Variants in BAG3 observed in about 807,000 individuals in gnomAD.
BAG3 encodes the protein BAG family molecular chaperone regulator 3.
Under a neutral mutation model 40.5 loss-of-function variants are expected in BAG3, and 14 were observed. The observed-to-expected ratio is 0.35, with a 90% CI of 0.23 to 0.54. The LOEUF (loss-of-function observed/expected upper bound fraction) is 0.54, where lower values mean the gene tolerates loss of function less well. BAG3 is among the 20% of genes least tolerant of loss of function. BAG3 has a pLI of 0.91. For missense variants in BAG3, 788 were observed against 758.6 expected, an observed-to-expected ratio of 1.04 and a Z score of -0.46; for synonymous variants, 302 against 307.8, an observed-to-expected ratio of 0.98 and a Z score of 0.20.
intron 1 of BAG3, among the ~76,000 whole-genome samples, chr10:119,656,934 TAAAC>T (rs1406108379): frequency 2.6e-5 from 4 of 152,174 alleles, no homozygotes; most frequent in Admixed American, 2.6e-4. Context: ...TGGCCTGTGA[TAAAC>T]AGAAAGACTT....
At chr10:119,668,728 G>T (rs1235308180) in intron 1 of BAG3, among the ~76,000 whole-genome samples, 1 of 152,262 alleles carries the variant, frequency 6.6e-6, no homozygotes, top group Non-Finnish European at 1.5e-5. Flanking sequence ...GAGGACATAA[G>T]AGAAGGACCC....
intron 1 of BAG3, among the ~76,000 whole-genome samples, chr10:119,662,223 T>TTG (rs1217670184): frequency 2.6e-4 from 31 of 119,252 alleles, no homozygotes; most frequent in African/African-American, 9.1e-4. Context: ...ATGTTTTTTT[T>TTG]TTGTTTTTTT....
chr10:119,670,210 G>A, intron 2 of BAG3, 33 bp downstream of exon 2: 1 of 1,573,998 alleles, frequency 6.4e-7, no homozygotes. Flanking sequence ...AGCCTGCTGG[G>A]GAGCAAGCCG....
In BAG3 at chr10:119,669,894, G is replaced by A; in HGVS notation, c.224G>A (p.Arg75Lys). The A allele has an allele frequency of 6.2e-7, 1 of 1,614,190 alleles. No homozygotes were observed. The highest frequency in any genetic ancestry group is 8.5e-7 in the Non-Finnish European group (1 of 1,180,042). The change falls in exon 2 of 4, where the codon AGG becomes AAG. Residue 75 changes from arginine to lysine, a missense_variant. Arg to Lys is a conservative substitution (Grantham distance 26, BLOSUM62 2). Transcript: ENST00000369085. ...AATGGCCCTTCCCGGGAGGGCTCTA[G>A]GCTGCCGCCTGCTAGGGAAGGCCAC... ...SANGPSREGS[R>K]LPPAREGHPV...
chr10:119,659,591 G>T (rs528705286), intron 1 of BAG3, among the ~76,000 whole-genome samples: 25 of 152,334 alleles, frequency 1.6e-4, no homozygotes, highest in Admixed American at 1.2e-3. Context: ...GGACTCAGGG[G>T]TCTCACCGTC....
chr10:119,661,505 A>G (rs1237960192), intron 1 of BAG3, among the ~76,000 whole-genome samples: 1 of 152,196 alleles, frequency 6.6e-6, no homozygotes, highest in Non-Finnish European at 1.5e-5. Flanking sequence ...ACCCGGGCTC[A>G]TGCTGGTTCA....
At chr10:119,663,876 C>G (rs1847024773) in intron 1 of BAG3, among the ~76,000 whole-genome samples, 1 of 152,144 alleles carries the variant, frequency 6.6e-6, no homozygotes, top group South Asian at 2.1e-4. Flanking sequence ...GGAATCAGAC[C>G]TACTTGGGTT....
chr10:119,656,093 C>T (rs1194573092), intron 1 of BAG3, among the ~76,000 whole-genome samples: 1 of 152,192 alleles, frequency 6.6e-6, no homozygotes, highest in Non-Finnish European at 1.5e-5. Flanking sequence ...TGATGTTTAT[C>T]ATCCAAAGTA....
At position 119,672,928 on chromosome 10, in the gene BAG3, C is replaced by A. The variant is rs2072361; in HGVS notation, c.909+272C>A. Among the ~76,000 whole-genome samples, 23,555 of 152,090 alleles carry A rather than the reference C, an allele frequency of 0.15. 2,399 individuals are homozygous for A. The highest frequency in any genetic ancestry group is 0.28 in the African/African-American group (11,472 of 41,430). On this transcript the variant is annotated intron_variant, in intron 3 of 3. Transcript: ENST00000369085. The surrounding 1 kb of genome is among the most constrained non-coding windows in gnomAD (Gnocchi z 4.8). ...AGACGAAACAGCTTGGCAGAACTTACATACCTGGGACCAGCTTCCTTAGTG... is the reference window on the plus strand; with the variant it reads ...AGACGAAACAGCTTGGCAGAACTTAAATACCTGGGACCAGCTTCCTTAGTG...
intron 1 of BAG3, among the ~76,000 whole-genome samples, chr10:119,665,371 A>AC (rs958391942): frequency 1.3e-5 from 2 of 151,014 alleles, no homozygotes; most frequent in African/African-American, 2.4e-5. Flanking sequence ...CCATCTCCTG[A>AC]CCTCGTGATC....
At chr10:119,651,953 C>T (rs899449396) in intron 1 of BAG3, 98 bp downstream of exon 1, 2 of 1,090,820 alleles carry the variant, frequency 1.8e-6, no homozygotes, top group Non-Finnish European at 2.3e-6. Flanking sequence ...CGGCGGGGCC[C>T]GGGGGTCGGC....
In BAG3 at chr10:119,672,141, G is replaced by A. The variant is rs1847157853; in HGVS notation, c.508-114G>A. 7 of 1,377,436 alleles carry A rather than the reference G, an allele frequency of 5.1e-6. No individual in the cohort carries two copies. The Admixed American group carries it at 1.2e-4, about 23-fold the overall frequency. 85.3% of individuals were successfully genotyped at this position (1,377,436 alleles called of 1,614,324 possible). ...TTTGAAAATTGAAAATTACAGATAG[G>A]AGGTCTTACAATATGGATTGCCCTG... is the stretch of plus-strand genomic sequence containing the variant. On this transcript the variant is annotated intron_variant, in intron 2 of 3. Coordinates refer to ENST00000369085, the MANE Select transcript of BAG3 (RefSeq NM_004281.4). This position sits in a 1 kb window ranked among gnomAD's most constrained non-coding sequence, Gnocchi z 4.8.
chr10:119,657,536 C>T (rs771736332), intron 1 of BAG3: 3 of 471,022 alleles, frequency 6.4e-6, no homozygotes, highest in African/African-American at 4.0e-5. Context: ...AGCGCGAAGG[C>T]AGATACAGAA....
Position 119,672,764 on chromosome 10 carries a change from G to A in BAG3, c.909+108G>A. 2 of 1,475,826 alleles carry A rather than the reference G, an allele frequency of 1.4e-6. No homozygotes were observed. Among genetic ancestry groups the A allele is most frequent in the East Asian group, 2.3e-5 (1 of 43,592 alleles). The allele number at this position is 1,475,826 out of a possible 1,614,324, so 91.4% of individuals were successfully genotyped here. On this transcript the variant is annotated intron_variant, in intron 3 of 3. Coordinates refer to ENST00000369085, the MANE Select transcript of BAG3 (RefSeq NM_004281.4). This position sits in a 1 kb window ranked among gnomAD's most constrained non-coding sequence, Gnocchi z 4.8. ...CCCTTCATCCCTGCCTATTTAACATGCGTGTACCTACAGGCAAGTGAGATT... is the reference window on the plus strand; with the variant it reads ...CCCTTCATCCCTGCCTATTTAACATACGTGTACCTACAGGCAAGTGAGATT...
intron 1 of BAG3, among the ~76,000 whole-genome samples, chr10:119,668,823 T>A (rs1847102004): frequency 6.6e-6 from 1 of 152,232 alleles, no homozygotes; most frequent in Admixed American, 6.5e-5. Flanking sequence ...CAGGAAGATT[T>A]ATTCGGGGCC....
chr10:119,655,774 A>G (rs1846901570), intron 1 of BAG3, among the ~76,000 whole-genome samples: 1 of 152,066 alleles, frequency 6.6e-6, no homozygotes, highest in Non-Finnish European at 1.5e-5. Context: ...CCCTCTGAAG[A>G]ACAGCCTGTG....
At position 119,676,601 on chromosome 10, in the gene BAG3, A is replaced by G. The variant is rs776281341; in HGVS notation, c.1047A>G (p.Lys349=). 1 of 1,614,104 alleles carries G rather than the reference A, an allele frequency of 6.2e-7. No individual in the cohort carries two copies. Among genetic ancestry groups the G allele is most frequent in the Admixed American group, 1.7e-5 (1 of 60,022 alleles). ...TGATCCGCAAAGAGGTGGATTCTAAACCTGTTTCCCAGAAGCCCCCACCTC... is the reference window on the plus strand; with the variant it reads ...TGATCCGCAAAGAGGTGGATTCTAAGCCTGTTTCCCAGAAGCCCCCACCTC... ...IQVIRKEVDS[K]PVSQKPPPPS... The change falls in exon 4 of 4, where the codon AAA becomes AAG. Residue 349 remains lysine (K), a synonymous_variant. Transcript: ENST00000369085.
chr10:119,651,662 G>A lies in BAG3; in HGVS notation c.-14G>A, dbSNP rs765473695. On this transcript the variant is annotated 5_prime_UTR_variant, in exon 1 of 4. Coordinates refer to ENST00000369085, the MANE Select transcript of BAG3 (RefSeq NM_004281.4). ...CCCCGCACCCGCGCCCCAGCGGGCA[G>A]ACCCCAACCCAGCATGAGCGCCGCC... 6.4e-7 allele frequency: 1 copy of A among 1,555,082 alleles called. No individual in the cohort carries two copies. The highest frequency in any genetic ancestry group is 2.6e-5 in the East Asian group (1 of 37,800).
intron 1 of BAG3, among the ~76,000 whole-genome samples, chr10:119,657,909 T>A (rs2134054721): frequency 1.3e-5 from 2 of 152,350 alleles, no homozygotes; most frequent in South Asian, 4.1e-4. Context: ...AGACACCGTA[T>A]ACGTGAAGGT....
Sources: allele counts gnomAD v4.1 joint callset (sites outside exome capture counted in the v4.1 genomes callset), GRCh38; gene constraint gnomAD v4.1.1; non-coding constraint Gnocchi (gnomAD v3.1); transcripts MANE v1.5; gene names NCBI Gene and HGNC (gene_info 2026-07-23, HGNC 2026-07-21).